POTEB3: variants seen among roughly 807,000 people sequenced by gnomAD.
The protein encoded by POTEB3 is ANKRD26-like family B member 1.
A neutral mutation model predicts 39.8 loss-of-function variants in POTEB3; 5 were observed. That is an observed-to-expected ratio of 0.13 (90% CI 0.07 to 0.26). The LOEUF (loss-of-function observed/expected upper bound fraction) is 0.26, where lower values mean the gene tolerates loss of function less well. POTEB3 is among the 10% of genes least tolerant of loss of function. The pLI, the probability that POTEB3 is intolerant of heterozygous loss-of-function variation, is 1.00. For missense variants in POTEB3, 24 were observed against 475.6 expected (o/e 0.05, Z 8.83); for synonymous variants, 5 against 161.5 (o/e 0.03, Z 7.35).
chr15:21,409,976 T>TACAC (rs59893004), intron 10 of POTEB3, among the ~76,000 whole-genome samples: 1 of 82,384 alleles, frequency 1.2e-5, no homozygotes, highest in Admixed American at 1.0e-4. Flanking sequence ...CCATCTAGAA[T>TACAC]ACACACACAC....
chr15:21,429,075 G>A, intron 5 of POTEB3: 1 of 150,762 alleles, frequency 6.6e-6, no homozygotes, highest in East Asian at 1.9e-4. Context: ...TAACCCACGT[G>A]AGATTCTGAG....
At chr15:21,425,038 T>A (rs1310320480) in intron 6 of POTEB3, 1 of 147,836 alleles carries the variant, frequency 6.8e-6, no homozygotes, top group East Asian at 2.0e-4. Context: ...TTCCAAACTT[T>A]ATTTCACCAT....
intron 7 of POTEB3, among the ~76,000 whole-genome samples, chr15:21,421,890 GT>G (rs1898518902): frequency 6.6e-6 from 1 of 151,840 alleles, no homozygotes; most frequent in Non-Finnish European, 1.5e-5. Flanking sequence ...TAGTGGTTAC[GT>G]TTTTAAGCTA....
intron 3 of POTEB3, among the ~76,000 whole-genome samples, chr15:21,433,984 C>T (rs1246131922): frequency 6.8e-6 from 1 of 146,032 alleles, no homozygotes; most frequent in Admixed American, 6.8e-5. Flanking sequence ...TGGAAAAGAA[C>T]CCTGTCTCAC....
At chr15:21,438,078 CT>C (rs1899173279) in intron 1 of POTEB3, among the ~76,000 whole-genome samples, 1 of 34,056 alleles carries the variant, frequency 2.9e-5, no homozygotes, top group Admixed American at 2.0e-4. Context: ...AGAAAATAGT[CT>C]TTCATTCCTC....
At chr15:21,433,988 G>A (rs1385207182) in intron 3 of POTEB3, among the ~76,000 whole-genome samples, 9 of 144,018 alleles carry the variant, frequency 6.2e-5, no homozygotes, top group Admixed American at 1.4e-4. Flanking sequence ...AAAGAACCCT[G>A]TCTCACCATA....
At chr15:21,434,137 T>A (rs1899096845) in intron 3 of POTEB3, among the ~76,000 whole-genome samples, 1 of 143,158 alleles carries the variant, frequency 7.0e-6, no homozygotes, top group South Asian at 2.2e-4. Flanking sequence ...AAGTTGGCCT[T>A]GGTATTTCTG....
At position 21,408,337 on chromosome 15, in the gene POTEB3, AC is replaced by A. The variant is rs1898253306; in HGVS notation, c.*645del. 1 of 52,548 alleles carries A rather than the reference AC, an allele frequency of 1.9e-5. No homozygotes were observed. Among genetic ancestry groups the A allele is most frequent in the Non-Finnish European group, 3.3e-5 (1 of 30,766 alleles). The allele number at this position is 52,548 out of a possible 1,614,324, so 3.3% of individuals were successfully genotyped here. On this transcript the variant is annotated 3_prime_UTR_variant, in exon 11 of 11. Coordinates refer to ENST00000611217, the MANE Select transcript of POTEB3 (RefSeq NM_207355.5). ...GGCTCAAGTGGGGGGCTGGCTGGAG[AC>A]CCAGGCCAGGAAGACCTGCCCATCA...
chr15:21,424,930 C>T (rs1189397983), intron 6 of POTEB3: 1 of 146,432 alleles, frequency 6.8e-6, no homozygotes, highest in African/African-American at 2.6e-5. Context: ...AGCCTTCCAA[C>T]TATTAATGTT....
At chr15:21,429,284 G>A (rs1192987281) in intron 5 of POTEB3, among the ~76,000 whole-genome samples, 2 of 151,718 alleles carry the variant, frequency 1.3e-5, no homozygotes, top group South Asian at 2.1e-4. Context: ...GGATATAAAG[G>A]TGCCTCACTG....
intron 10 of POTEB3, among the ~76,000 whole-genome samples, chr15:21,409,958 G>A (rs1364150143): frequency 1.1e-5 from 1 of 90,056 alleles, no homozygotes; most frequent in East Asian, 3.1e-4. Context: ...GGGTGACAGT[G>A]CAAGACTCCA....
At chr15:21,419,950 A>C (rs1308200338) in intron 8 of POTEB3, among the ~76,000 whole-genome samples, 1 of 116,044 alleles carries the variant, frequency 8.6e-6, no homozygotes, top group African/African-American at 3.6e-5. Flanking sequence ...AATCTTATAT[A>C]TGAATTTACC....
intron 5 of POTEB3, among the ~76,000 whole-genome samples, chr15:21,429,606 AG>A (rs1898878703): frequency 1.4e-5 from 1 of 72,396 alleles, no homozygotes; most frequent in African/African-American, 6.1e-5. Context: ...AGCATAGGTA[AG>A]GGAACTAAAA....
chr15:21,419,931 ACT>A (rs1302755704), intron 8 of POTEB3, among the ~76,000 whole-genome samples: 5 of 124,412 alleles, frequency 4.0e-5, no homozygotes, highest in African/African-American at 1.7e-4. Context: ...ATTCCCAAAA[ACT>A]CTTCAGAATC....
rs1898249302 is a variant in POTEB3, at chr15:21,408,017, G to A, written c.*966C>T. Reference sequence around the variant, plus strand: ...CTACACCCCAGAGAGGTGTAAGTTAGGAGTTACTTAATGTAATCACCCCAG... The same window carrying A: ...CTACACCCCAGAGAGGTGTAAGTTAAGAGTTACTTAATGTAATCACCCCAG... On this transcript the variant is annotated 3_prime_UTR_variant, in exon 11 of 11. Coordinates refer to ENST00000611217, the MANE Select transcript of POTEB3 (RefSeq NM_207355.5). Among the ~76,000 whole-genome samples the A allele has an allele frequency of 1.3e-5, 1 of 77,420 alleles. No individual in the cohort carries two copies. The highest frequency in any genetic ancestry group is 1.0e-4 in the Admixed American group (1 of 9,878). 50.8% of individuals were successfully genotyped at this position (77,420 alleles called of 152,430 possible).
rs1256494518 is a variant in POTEB3 at position 21,414,428 on chromosome 15, A to G, written c.1410-3427T>C. On this transcript the variant is annotated intron_variant, in intron 9 of 10. Transcript: ENST00000611217. ...AATATAAAATACTTTCATTTTGAAC[A>G]TAGTTAATTGAAGGCAACTTTTATA... Among the ~76,000 whole-genome samples the G allele has an allele frequency of 1.9e-3, 206 of 108,304 alleles. 5 individuals carry two copies. The highest frequency in any genetic ancestry group is 2.9e-3 in the Non-Finnish European group (163 of 56,064). The allele number at this position is 108,304 out of a possible 152,430, so 71.1% of individuals were successfully genotyped here. A position where few individuals can be genotyped will look rare whatever the true frequency, so the allele number is the denominator to read the frequency against.
rs1289914450 is a variant in POTEB3 at position 21,439,870 on chromosome 15, C to A, written c.142G>T (p.Asp48Tyr). ...GTCTTCATAAAGGAGTCGTCGTGGT[C>A]TCCAGAAGTGCCCATGTTGCTCTTG... ...SGKSNMGTSG[D>Y]HDDSFMKTLR... is the part of the protein sequence containing the mutation. The change falls in exon 1 of 11, where the codon GAC (aspartate) becomes TAC (tyrosine). Residue 48 changes from aspartate (D) to tyrosine (Y), a missense_variant. By Grantham distance (160) the Asp-to-Tyr change is radical. Coordinates refer to ENST00000611217, the MANE Select transcript of POTEB3 (RefSeq NM_207355.5). The A allele has an allele frequency of 6.5e-7, 1 of 1,542,970 alleles. No homozygotes were observed. Among genetic ancestry groups the A allele is most frequent in the East Asian group, 2.3e-5 (1 of 43,986 alleles).
At chr15:21,425,049 G>A (rs1302293446) in intron 6 of POTEB3, 1 of 147,504 alleles carries the variant, frequency 6.8e-6, no homozygotes, top group Non-Finnish European at 1.5e-5. Flanking sequence ...ATTTCACCAT[G>A]GGCAGGTGAA....
At chr15:21,434,326 C>A (rs1253934078) in intron 3 of POTEB3, among the ~76,000 whole-genome samples, 16 of 125,640 alleles carry the variant, frequency 1.3e-4, no homozygotes, top group Non-Finnish European at 2.5e-4. Context: ...AATGTAAAAC[C>A]TATTTCCAGG....
Sources: gnomAD v4.1 joint callset for allele counts (sites outside exome capture counted in the v4.1 genomes callset) on GRCh38, gnomAD v4.1.1 for gene constraint, MANE v1.5 for transcripts, NCBI Gene and HGNC (gene_info 2026-07-23, HGNC 2026-07-21) for gene names.